CTNNA3: variants seen among roughly 807,000 people sequenced by gnomAD.
CTNNA3 encodes the protein catenin alpha-3.
In CTNNA3, 76 loss-of-function variants were observed where a neutral mutation model predicts 95.7. The ratio of observed to expected loss-of-function variants is 0.79; its 90% CI spans 0.66 to 0.96. The LOEUF is 0.96. Among genes scored for constraint, CTNNA3 ranks in the 40% least tolerant of loss-of-function variants. The pLI is 0.00. For missense variants in CTNNA3, 1,191 were observed against 1,089.8 expected (o/e 1.09, Z -1.31); for synonymous variants, 431 against 374.4 (o/e 1.15, Z -1.74).
intron 7 of CTNNA3, among the ~76,000 whole-genome samples, chr10:66,965,366 C>T (rs183555222): frequency 9.2e-5 from 14 of 151,890 alleles, no homozygotes; most frequent in African/African-American, 3.4e-4. Context: ...GAAACCCTGT[C>T]TCTACTAAAA....
chr10:67,256,467 C>A (rs1239912408), intron 5 of CTNNA3, among the ~76,000 whole-genome samples: 1 of 152,094 alleles, frequency 6.6e-6, no homozygotes, highest in Non-Finnish European at 1.5e-5. Flanking sequence ...ACTATAAAAA[C>A]CACATCGCTT....
At chr10:67,103,414 C>T (rs904631759) in intron 7 of CTNNA3, among the ~76,000 whole-genome samples, 2 of 151,770 alleles carry the variant, frequency 1.3e-5, no homozygotes, top group African/African-American at 2.4e-5. Flanking sequence ...AGTCTTAAGG[C>T]TTCTGGGTTA....
At chr10:66,257,867 A>G (rs1193919580) in intron 13 of CTNNA3, among the ~76,000 whole-genome samples, 1 of 152,158 alleles carries the variant, frequency 6.6e-6, no homozygotes, top group Non-Finnish European at 1.5e-5. Context: ...TGTCCCAAAC[A>G]CTTATACCCT....
intron 6 of CTNNA3, among the ~76,000 whole-genome samples, chr10:67,181,210 A>C (rs1862524747): frequency 6.6e-6 from 1 of 152,222 alleles, no homozygotes; most frequent in Non-Finnish European, 1.5e-5. Context: ...TTAATTATTT[A>C]ATTTAAAACA....
chr10:67,514,721 T>TTG (rs557657410), intron 5 of CTNNA3, among the ~76,000 whole-genome samples: 2 of 93,228 alleles, frequency 2.1e-5, no homozygotes, highest in African/African-American at 2.0e-4. Context: ...GTTTTTGTTG[T>TTG]TTTTTTTTTT....
intron 10 of CTNNA3, among the ~76,000 whole-genome samples, chr10:66,613,403 T>C (rs1019312784): frequency 6.6e-6 from 1 of 152,002 alleles, no homozygotes; most frequent in African/African-American, 2.4e-5. Flanking sequence ...ATGCTCCCAG[T>C]AGGTGGTCCG....
In CTNNA3 at chr10:65,988,037, C is replaced by T. The variant is rs114761124; in HGVS notation, c.2265+655G>A. 2.8e-3 allele frequency among the ~76,000 whole-genome samples: 419 copies of T among 151,858 alleles called. 4 individuals are homozygous for T. The highest frequency in any genetic ancestry group is 9.5e-3 in the African/African-American group (394 of 41,396). On this transcript the variant is annotated intron_variant, in intron 16 of 17. Coordinates refer to ENST00000433211, the MANE Select transcript of CTNNA3 (RefSeq NM_013266.4). Reference sequence around the variant, plus strand: ...GGTTATCAGGGGCAGGGAAGAGTAGCGGAGAGGGGAAGATAAAAATAAGTT... The same window carrying T: ...GGTTATCAGGGGCAGGGAAGAGTAGTGGAGAGGGGAAGATAAAAATAAGTT...
chr10:67,743,562 A>T (rs1233023741), intron 1 of CTNNA3, among the ~76,000 whole-genome samples: 1 of 151,288 alleles, frequency 6.6e-6, no homozygotes, highest in Non-Finnish European at 1.5e-5. Flanking sequence ...ATGGGCAAAA[A>T]CTGGAAGCAT....
Position 66,360,389 on chromosome 10 carries a change from T to G in CTNNA3, c.1732+18763A>C, listed in dbSNP as rs1252096547. On this transcript the variant is annotated intron_variant, in intron 12 of 17. Coordinates refer to ENST00000433211, the MANE Select transcript of CTNNA3 (RefSeq NM_013266.4). ...AAGGCAATGGCTTAAAGTGAAGTCT[T>G]CCCCATTTTTCTGTGGGAAATAGAT... is the stretch of plus-strand genomic sequence containing the variant. 4.5e-4 allele frequency among the ~76,000 whole-genome samples: 69 copies of G among 152,110 alleles called. 1 individual carries two copies. The highest frequency in any genetic ancestry group is 4.5e-3 in the Admixed American group (69 of 15,268).
chr10:66,983,419 G>A (rs1850558175), intron 7 of CTNNA3, among the ~76,000 whole-genome samples: 1 of 152,106 alleles, frequency 6.6e-6, no homozygotes, highest in South Asian at 2.1e-4. Flanking sequence ...GGGTGCCCAG[G>A]CATCCCCAGA....
chr10:67,448,672 T>C (rs929295879), intron 5 of CTNNA3, among the ~76,000 whole-genome samples: 1 of 151,436 alleles, frequency 6.6e-6, no homozygotes. Context: ...AGAAATTCTA[T>C]GCGAGTTGAA....
At chr10:66,444,388 T>C (rs1390230938) in intron 11 of CTNNA3, among the ~76,000 whole-genome samples, 1 of 151,898 alleles carries the variant, frequency 6.6e-6, no homozygotes, top group Non-Finnish European at 1.5e-5. Flanking sequence ...TCACCAAAGT[T>C]GAAATGAAGG....
intron 11 of CTNNA3, among the ~76,000 whole-genome samples, chr10:66,511,844 G>T (rs1467356697): frequency 6.6e-6 from 1 of 151,892 alleles, no homozygotes; most frequent in African/African-American, 2.4e-5. Flanking sequence ...GTAGCCATTG[G>T]AAAAAATGTT....
chr10:65,951,790 G>A (rs1336160796), intron 17 of CTNNA3, among the ~76,000 whole-genome samples: 1 of 152,170 alleles, frequency 6.6e-6, no homozygotes, highest in Non-Finnish European at 1.5e-5. Context: ...AGCACTTTGG[G>A]AGGCCGAGGT....
chr10:66,731,037 A>G (rs10762096), intron 9 of CTNNA3, among the ~76,000 whole-genome samples: 148,371 of 152,342 alleles, frequency 0.97, 72,275 homozygotes, highest in East Asian at 1. Context: ...GATAATTATT[A>G]TGGATCAGTC....
At chr10:67,077,664 A>G (rs1289971024) in intron 7 of CTNNA3, among the ~76,000 whole-genome samples, 1 of 152,162 alleles carries the variant, frequency 6.6e-6, no homozygotes, top group Non-Finnish European at 1.5e-5. Flanking sequence ...TCTGTAACCA[A>G]CATCAAAATT....
At chr10:66,452,409 T>A (rs7084917) in intron 11 of CTNNA3, among the ~76,000 whole-genome samples, 2 of 151,826 alleles carry the variant, frequency 1.3e-5, no homozygotes, top group African/African-American at 2.4e-5. Flanking sequence ...ATTATGACAG[T>A]GAAATAAATC....
intron 3 of CTNNA3, among the ~76,000 whole-genome samples, chr10:67,552,578 T>C (rs1429436513): frequency 6.6e-6 from 1 of 151,884 alleles, no homozygotes; most frequent in Admixed American, 6.6e-5. Context: ...CAGGTAAATG[T>C]GTACCATGGT....
intron 5 of CTNNA3, among the ~76,000 whole-genome samples, chr10:67,372,503 G>T (rs1160719416): frequency 6.6e-6 from 1 of 152,288 alleles, no homozygotes; most frequent in African/African-American, 2.4e-5. Context: ...CGTCTGATTG[G>T]TGTACCTGAA....
Sources: allele counts gnomAD v4.1 joint callset (sites outside exome capture counted in the v4.1 genomes callset), GRCh38; gene constraint gnomAD v4.1.1; transcripts MANE v1.5; gene names NCBI Gene and HGNC (gene_info 2026-07-23, HGNC 2026-07-21).